The following DZIP1L variants were observed in gnomAD, a reference collection of about 807,000 sequenced individuals.
DZIP1L encodes the protein DAZ interacting zinc finger protein 1 like, also known as cilium assembly protein DZIP1L.
In DZIP1L, 90 loss-of-function variants were observed where a neutral mutation model predicts 88.7. That is an observed-to-expected ratio of 1.02 (90% confidence interval 0.86 to 1.21). The LOEUF is 1.21. Ranked by LOEUF, DZIP1L falls within the 50% of genes most tolerant of loss-of-function variation. The pLI is 0.00. For synonymous variants in DZIP1L, 363 were observed against 372.1 expected (o/e 0.98, Z 0.28); for missense variants, 932 against 955.8 (o/e 0.98, Z 0.33).
At chr3:138,064,541 C>T (rs1942806262) in intron 15 of DZIP1L, 87 bp downstream of exon 15, 2 of 1,613,300 alleles carry the variant, frequency 1.2e-6, no homozygotes, top group Non-Finnish European at 1.7e-6. Flanking sequence ...TTGCTGGGCC[C>T]TCCCCAACCT....
At position 138,115,470 on chromosome 3, in the gene DZIP1L, TC is replaced by T. The variant is rs1207949522; in HGVS notation, c.-225del. 3 of 152,382 alleles carry T rather than the reference TC, an allele frequency of 2.0e-5. No individual in the cohort carries two copies. The highest frequency in any genetic ancestry group is 7.2e-5 in the African/African-American group (3 of 41,438). The allele number at this position is 152,382 out of a possible 1,614,324, so 9.4% of individuals were successfully genotyped here. A position where few individuals can be genotyped will look rare whatever the true frequency, so the allele number is the denominator to read the frequency against. ...TCCCGGAATGCTCACCGCCCGCCGT[TC>T]CCGGGATGCTTCCCCAGCCCCACGC... On this transcript the variant is annotated 5_prime_UTR_variant, in exon 1 of 16. Transcript: ENST00000327532.
intron 9 of DZIP1L, among the ~76,000 whole-genome samples, chr3:138,081,366 G>A (rs1018824714): frequency 5.3e-5 from 8 of 152,158 alleles, no homozygotes; most frequent in African/African-American, 1.9e-4. Flanking sequence ...TCAACTTGCT[G>A]AACATTGGGA....
At chr3:138,105,388 A>G (rs941118828) in intron 1 of DZIP1L, among the ~76,000 whole-genome samples, 1 of 151,906 alleles carries the variant, frequency 6.6e-6, no homozygotes, top group Non-Finnish European at 1.5e-5. Flanking sequence ...ATACATATTC[A>G]GTCGTCTGTC....
chr3:138,094,904 C>T lies in DZIP1L; in HGVS notation c.666G>A (p.Glu222=). The stretch of plus-strand genomic sequence containing the variant: ...TCTCCGCCTCCCTCTGGGCTTCCAG[C>T]TCCCCTTGGGTCCACTTTAGCTTGG... ...LRAKLKWTQG[E]LEAQREAERQ... Residue 222 remains glutamate (E), a synonymous_variant, in exon 4 of 16, where the codon GAG becomes GAA. Transcript: ENST00000327532. 2 of 1,614,252 alleles carry T rather than the reference C, an allele frequency of 1.2e-6. No individual in the cohort carries two copies. The highest frequency in any genetic ancestry group is 1.7e-5 in the Admixed American group (1 of 60,026).
chr3:138,102,779 G>A (rs578026332), intron 2 of DZIP1L: 60 of 759,868 alleles, frequency 7.9e-5, no homozygotes, highest in Non-Finnish European at 1.1e-4. Flanking sequence ...AGGTCACCCC[G>A]GAAGCTGCTG....
At position 138,063,035 on chromosome 3, in the gene DZIP1L, G is replaced by C; in HGVS notation, c.2143-58C>G. The C allele has an allele frequency of 6.3e-7, 1 of 1,584,316 alleles. No individual in the cohort carries two copies. The highest frequency in any genetic ancestry group is 8.6e-7 in the Non-Finnish European group (1 of 1,163,634). On this transcript the variant is annotated intron_variant, in intron 15 of 15. Transcript: ENST00000327532. The surrounding 1 kb of genome is among the most constrained non-coding windows in gnomAD (Gnocchi z 4.1). ...TTTGATAAGGGAGGAGGGTGGCTGA[G>C]AGCTAAGCACATTGCAGGATGGGAA...
intron 2 of DZIP1L, among the ~76,000 whole-genome samples, chr3:138,098,688 A>G (rs1439571166): frequency 1.3e-5 from 2 of 152,060 alleles, no homozygotes; most frequent in Non-Finnish European, 2.9e-5. Flanking sequence ...GAGAATAAAC[A>G]CTCTATGTCC....
intron 8 of DZIP1L, 151 bp from the exon 9 acceptor site, chr3:138,081,915 C>T: frequency 3.3e-6 from 2 of 607,936 alleles, no homozygotes; most frequent in South Asian, 2.5e-5. Flanking sequence ...GATGCACCAC[C>T]CCAGCCCCCT....
At chr3:138,107,185 G>A (rs2042518875) in intron 1 of DZIP1L, among the ~76,000 whole-genome samples, 1 of 152,206 alleles carries the variant, frequency 6.6e-6, no homozygotes, top group African/African-American at 2.4e-5. Flanking sequence ...GTCATATGTT[G>A]AAAACTCAAT....
At chr3:138,080,415 G>A (rs1943593453) in intron 10 of DZIP1L, 152 bp downstream of exon 10, 1 of 717,808 alleles carries the variant, frequency 1.4e-6, no homozygotes, top group African/African-American at 1.8e-5. Flanking sequence ...CTGGCACACA[G>A]AAGGTGTTAA....
intron 12 of DZIP1L, chr3:138,069,119 C>T (rs750559450): frequency 1.9e-4 from 147 of 778,664 alleles, no homozygotes; most frequent in Non-Finnish European, 5.7e-5. Flanking sequence ...CTCTGCCACC[C>T]GTGAGACAGC....
intron 3 of DZIP1L, among the ~76,000 whole-genome samples, 162 bp from the exon 4 acceptor site, chr3:138,095,145 C>T (rs1252668145): frequency 6.6e-6 from 1 of 152,180 alleles, no homozygotes; most frequent in East Asian, 1.9e-4. Context: ...CCTCTGTTTC[C>T]CCAAACTGGA....
chr3:138,071,732 C>T lies in DZIP1L; in HGVS notation c.1526G>A (p.Arg509Lys), dbSNP rs1943189072. 1 of 1,614,102 alleles carries T rather than the reference C, an allele frequency of 6.2e-7. No individual in the cohort carries two copies. The highest frequency in any genetic ancestry group is 8.5e-7 in the Non-Finnish European group (1 of 1,180,052). ...ARKFSEFLSL[R>K]GKLVKEVTSR... Reference sequence around the variant, plus strand: ...GGTGACTTCCTTGACAAGCTTTCCCCTCAGACTCAGAAATTCAGAAAACTT... The same window carrying T: ...GGTGACTTCCTTGACAAGCTTTCCCTTCAGACTCAGAAATTCAGAAAACTT... Residue 509 changes from arginine to lysine, a missense_variant, in exon 12 of 16, where the codon AGG becomes AAG. Arg to Lys is a conservative substitution (Grantham distance 26). Coordinates refer to ENST00000327532, the MANE Select transcript of DZIP1L (RefSeq NM_173543.3).
intron 2 of DZIP1L, chr3:138,101,793 G>A: frequency 8.6e-7 from 1 of 1,157,910 alleles, no homozygotes. Context: ...GGGCCAGCTT[G>A]ACATTCATCA....
At chr3:138,107,118 C>A (rs2042517547) in intron 1 of DZIP1L, among the ~76,000 whole-genome samples, 1 of 152,220 alleles carries the variant, frequency 6.6e-6, no homozygotes. Flanking sequence ...TATTATTATT[C>A]TCATTTTACA....
chr3:138,089,374 T>A, intron 5 of DZIP1L: 1 of 637,276 alleles, frequency 1.6e-6, no homozygotes, highest in Non-Finnish European at 2.0e-6. Context: ...ACCACAGAGC[T>A]GACTTTCTTG....
chr3:138,101,618 G>C, intron 2 of DZIP1L: 2 of 794,270 alleles, frequency 2.5e-6, no homozygotes, highest in Non-Finnish European at 4.5e-6. Context: ...CTGGAGCCCA[G>C]GCCGTAGCTG....
intron 7 of DZIP1L, among the ~76,000 whole-genome samples, chr3:138,085,310 T>C (rs1943874102): frequency 6.6e-6 from 1 of 151,810 alleles, no homozygotes; most frequent in South Asian, 2.1e-4. Context: ...ACCATCAGAG[T>C]GAACAGGCAA....
At position 138,084,256 on chromosome 3, in the gene DZIP1L, G is replaced by A. The variant is rs780503667; in HGVS notation, c.1063-3C>T. ...AGCCTCTGGTTCTCCTCCTGTAGCT[G>A]GCAGGCACAAGATGGCTGGTCAGTC... On this transcript the variant is annotated splice_polypyrimidine_tract_variant and splice_region_variant and intron_variant, in intron 7 of 15. Coordinates refer to ENST00000327532, the MANE Select transcript of DZIP1L (RefSeq NM_173543.3). 2 of 1,613,212 alleles carry A rather than the reference G, an allele frequency of 1.2e-6. No individual in the cohort carries two copies. Among genetic ancestry groups the A allele is most frequent in the Non-Finnish European group, 8.5e-7 (1 of 1,179,650 alleles).
Sources: gnomAD v4.1 joint callset for allele counts (sites outside exome capture counted in the v4.1 genomes callset) on GRCh38, gnomAD v4.1.1 for gene constraint, Gnocchi (gnomAD v3.1) non-coding constraint, MANE v1.5 for transcripts, NCBI Gene and HGNC (gene_info 2026-07-23, HGNC 2026-07-21) for gene names.